The following SLC30A5 variants were observed in gnomAD, a reference collection of about 807,000 sequenced individuals.
SLC30A5 encodes solute carrier family 30 member 5.
In SLC30A5, 33 loss-of-function variants were observed where a neutral mutation model predicts 79.6. The ratio of observed to expected loss-of-function variants is 0.41; its 90% CI spans 0.31 to 0.55. SLC30A5 has a LOEUF of 0.55. SLC30A5 is among the 20% of genes least tolerant of loss of function. SLC30A5 has a pLI of 0.20. For synonymous variants in SLC30A5, 299 were observed against 319.7 expected, an observed-to-expected ratio of 0.94 and a Z score of 0.69; for missense variants, 788 against 928.1, an observed-to-expected ratio of 0.85 and a Z score of 1.96.
At chr5:69,115,498 T>TAA in intron 8 of SLC30A5, 91 bp downstream of exon 8, 2 of 1,073,800 alleles carry the variant, frequency 1.9e-6, no homozygotes, top group Non-Finnish European at 2.6e-6. Context: ...ATAAATTATA[T>TAA]TTTAATTTGA....
chr5:69,094,328 C>A lies in SLC30A5; in HGVS notation c.73C>A (p.Pro25Thr). ...GGGGLGPVDV[P>T]SARLTKYIVL... is the part of the protein sequence containing the mutation. ...CGGCGGCCTTGGGCCGGTGGACGTA[C>A]CCAGCGCTCGGTAAGGGACCGATCC... Residue 25 changes from proline to threonine, a missense_variant, in exon 1 of 16, where the codon CCC (proline) becomes ACC (threonine). By Grantham distance (38) the Pro-to-Thr change is conservative. Around this residue, in one of 3 missense-constraint regions of SLC30A5, gnomAD observed 626 missense variants for 755.5 expected, o/e 0.83. Transcript: ENST00000396591. 1 of 1,251,932 alleles carries A rather than the reference C, an allele frequency of 8.0e-7. No individual in the cohort carries two copies. The allele number at this position is 1,251,932 out of a possible 1,614,324, so 77.6% of individuals were successfully genotyped here. A position where few individuals can be genotyped will look rare whatever the true frequency, so the allele number is the denominator to read the frequency against.
rs774435393 is a variant in SLC30A5 at position 69,114,413 on chromosome 5, C to T, written c.536-7C>T. The T allele has an allele frequency of 6.3e-7, 1 of 1,585,632 alleles. No homozygotes were observed. Among genetic ancestry groups the T allele is most frequent in the South Asian group, 1.1e-5 (1 of 90,152 alleles). ...GGAATTTTTTTCCTTTACTTCAACT[C>T]ACTTAGCTGAAGGACATCATGACAG... On this transcript the variant is annotated splice_polypyrimidine_tract_variant and splice_region_variant and intron_variant, in intron 6 of 15. Coordinates refer to ENST00000396591, the MANE Select transcript of SLC30A5 (RefSeq NM_022902.5).
At chr5:69,095,195 A>ATTT (rs1291410333) in intron 1 of SLC30A5, among the ~76,000 whole-genome samples, 2 of 121,164 alleles carry the variant, frequency 1.7e-5, no homozygotes, top group South Asian at 2.6e-4. Context: ...TTATAACGTA[A>ATTT]CTTTTTTTTT....
chr5:69,112,346 A>T (rs1210518763), intron 5 of SLC30A5, among the ~76,000 whole-genome samples: 1 of 152,074 alleles, frequency 6.6e-6, no homozygotes, highest in Non-Finnish European at 1.5e-5. Flanking sequence ...TGAAGCTACC[A>T]TTCTGAAATA....
At chr5:69,104,834 T>A in intron 4 of SLC30A5, 118 bp downstream of exon 4, 1 of 1,020,988 alleles carries the variant, frequency 9.8e-7, no homozygotes, top group Non-Finnish European at 1.4e-6. Context: ...AGCACTTTTA[T>A]AGCATCAGAG....
At chr5:69,118,420 C>A in intron 11 of SLC30A5, 79 bp from the exon 12 acceptor site, 1 of 1,239,644 alleles carries the variant, frequency 8.1e-7, no homozygotes, top group South Asian at 1.5e-5. Context: ...AAAATTTGGA[C>A]TTGTTTCCTC....
At chr5:69,101,893 G>T (rs1456151617) in intron 2 of SLC30A5, among the ~76,000 whole-genome samples, 1 of 150,652 alleles carries the variant, frequency 6.6e-6, no homozygotes, top group Non-Finnish European at 1.5e-5. Flanking sequence ...GGAGGCAGCG[G>T]TTGCAGTGAG....
At chr5:69,117,651 C>T (rs569051768) in intron 11 of SLC30A5, among the ~76,000 whole-genome samples, 4 of 152,046 alleles carry the variant, frequency 2.6e-5, no homozygotes, top group South Asian at 2.1e-4. Context: ...CCAAGGCAGG[C>T]GGATCACCTG....
chr5:69,104,040 A>C, intron 3 of SLC30A5: 1 of 1,565,074 alleles, frequency 6.4e-7, no homozygotes, highest in Middle Eastern at 1.7e-4. Flanking sequence ...ACTAGTGGGA[A>C]ACTGAGAAAT....
chr5:69,121,184 A>G (rs190198652), intron 12 of SLC30A5, among the ~76,000 whole-genome samples: 99 of 152,202 alleles, frequency 6.5e-4, no homozygotes, highest in Non-Finnish European at 1.1e-3. Flanking sequence ...TTACTATTGT[A>G]TGTTTCCTTT....
intron 1 of SLC30A5, among the ~76,000 whole-genome samples, chr5:69,099,720 TTACCATTCTTCCGTTTCTTCCTATATTG>T (rs948581502): frequency 6.6e-6 from 1 of 152,216 alleles, no homozygotes; most frequent in Non-Finnish European, 1.5e-5. Context: ...CCAAAGGCAT[TTACCATTCTTCCGTTTCTTCCTATATTG>T]TGGTCTTTTC....
chr5:69,116,229 C>CT lies in SLC30A5; in HGVS notation c.1072+23dup. ...CTTCATTTTGTGTAAGCATTCCCCCCTTTTTTTTATTTTAACAAATTTCTA... is the reference window on the plus strand; with the variant it reads ...CTTCATTTTGTGTAAGCATTCCCCCCTTTTTTTTTATTTTAACAAATTTCTA... On this transcript the variant is annotated intron_variant, in intron 9 of 15. Coordinates refer to ENST00000396591, the MANE Select transcript of SLC30A5 (RefSeq NM_022902.5). This position sits in a 1 kb window ranked among gnomAD's most constrained non-coding sequence, Gnocchi z 4.0. 20 of 1,544,014 alleles carry CT rather than the reference C, an allele frequency of 1.3e-5. No homozygotes were observed. The highest frequency in any genetic ancestry group is 4.4e-5 in the Admixed American group (2 of 45,384).
intron 5 of SLC30A5, among the ~76,000 whole-genome samples, chr5:69,109,320 C>T (rs920026751): frequency 6.6e-6 from 1 of 151,222 alleles, no homozygotes; most frequent in African/African-American, 2.4e-5. Flanking sequence ...AATACATATA[C>T]CTACTATGTA....
chr5:69,103,291 T>C (rs1490539952), intron 3 of SLC30A5, among the ~76,000 whole-genome samples, 163 bp downstream of exon 3: 1 of 152,120 alleles, frequency 6.6e-6, no homozygotes, highest in Non-Finnish European at 1.5e-5. Flanking sequence ...AGACTTTAAA[T>C]CATAAAGTAC....
chr5:69,108,262 GT>G (rs1291717364), intron 4 of SLC30A5, 86 bp from the exon 5 acceptor site: 1 of 1,025,638 alleles, frequency 9.8e-7, no homozygotes, highest in African/African-American at 1.6e-5. Context: ...AAGGGGAAAT[GT>G]TTTTCTTTCT....
At chr5:69,111,975 T>C (rs1166208595) in intron 5 of SLC30A5, among the ~76,000 whole-genome samples, 4 of 152,208 alleles carry the variant, frequency 2.6e-5, no homozygotes, top group Non-Finnish European at 5.9e-5. Context: ...AGACATGTTA[T>C]ACCTGTAAAT....
At chr5:69,100,312 G>A (rs1745873734) in intron 1 of SLC30A5, among the ~76,000 whole-genome samples, 2 of 152,142 alleles carry the variant, frequency 1.3e-5, no homozygotes, top group African/African-American at 4.8e-5. Flanking sequence ...CTGGAGTGCA[G>A]TGACACGAAC....
In SLC30A5 at chr5:69,131,041, C is replaced by T. The variant is rs1391771301; in HGVS notation, c.*1424C>T. The T allele has an allele frequency of 6.6e-6, 1 of 152,008 alleles. No individual in the cohort carries two copies. Among genetic ancestry groups the T allele is most frequent in the Non-Finnish European group, 1.5e-5 (1 of 68,006 alleles). The allele number at this position is 152,008 out of a possible 1,614,324, so 9.4% of individuals were successfully genotyped here. A position where few individuals can be genotyped will look rare whatever the true frequency, so the allele number is the denominator to read the frequency against. On this transcript the variant is annotated 3_prime_UTR_variant, in exon 16 of 16. Transcript: ENST00000396591. ...TATTTTTTGGCCAAAATCTTCAATACATATTAAAATTTTTGAGTGGTGGGA... is the reference window on the plus strand; with the variant it reads ...TATTTTTTGGCCAAAATCTTCAATATATATTAAAATTTTTGAGTGGTGGGA...
Position 69,130,359 on chromosome 5 carries a change from A to G in SLC30A5, c.*742A>G, listed in dbSNP as rs1746818388. On this transcript the variant is annotated 3_prime_UTR_variant, in exon 16 of 16. Transcript: ENST00000396591. ...TTTACTTACCATGTTCCTTTAAAGT[A>G]GAATATTTCCTTTCTTGTTATATAT... 1 of 152,200 alleles carries G rather than the reference A, an allele frequency of 6.6e-6. No individual in the cohort carries two copies. The highest frequency in any genetic ancestry group is 1.5e-5 in the Non-Finnish European group (1 of 68,022). The allele number at this position is 152,200 out of a possible 1,614,324, so 9.4% of individuals were successfully genotyped here.
Sources: allele counts gnomAD v4.1 joint callset (sites outside exome capture counted in the v4.1 genomes callset), GRCh38; gene constraint gnomAD v4.1.1; regional missense constraint gnomAD v4.1.1; non-coding constraint Gnocchi (gnomAD v3.1); transcripts MANE v1.5; gene names NCBI Gene and HGNC (gene_info 2026-07-23, HGNC 2026-07-21).